SLC44A5: variants seen among roughly 807,000 people sequenced by gnomAD.
SLC44A5 encodes the protein choline transporter-like protein 5.
A neutral mutation model predicts 101.8 loss-of-function variants in SLC44A5; 57 were observed. The observed-to-expected ratio is 0.56, with a 90% CI of 0.45 to 0.70. SLC44A5 has a LOEUF of 0.70. Among genes scored for constraint, SLC44A5 ranks in the 30% least tolerant of loss-of-function variants. The pLI, the probability that SLC44A5 is intolerant of heterozygous loss-of-function variation, is 0.00. For missense variants in SLC44A5, 737 were observed against 853.1 expected (o/e 0.86, Z 1.70); for synonymous variants, 281 against 290.9 (o/e 0.97, Z 0.35).
chr1:75,243,095 AC>A, intron 7 of SLC44A5, 84 bp from the exon 8 acceptor site: 1 of 1,436,878 alleles, frequency 7.0e-7, no homozygotes, highest in Non-Finnish European at 9.2e-7. Context: ...TAAATTATCC[AC>A]CATAACAAAA....
At chr1:75,608,892 AT>A (rs796514572) in intron 1 of SLC44A5, among the ~76,000 whole-genome samples, 12 of 149,960 alleles carry the variant, frequency 8.0e-5, no homozygotes, top group African/African-American at 2.7e-4. Context: ...TACTATGCTC[AT>A]TTTTTTTTCT....
At chr1:75,290,646 C>A (rs1259861451) in intron 5 of SLC44A5, among the ~76,000 whole-genome samples, 1 of 152,076 alleles carries the variant, frequency 6.6e-6, no homozygotes, top group Non-Finnish European at 1.5e-5. Context: ...TCCAATCTCA[C>A]AAAATTGGAA....
At chr1:75,227,964 T>C (rs2100542977) in intron 12 of SLC44A5, 107 bp from the exon 13 acceptor site, 1 of 865,370 alleles carries the variant, frequency 1.2e-6, no homozygotes, top group East Asian at 3.2e-5. Flanking sequence ...CATGGTAATT[T>C]CTGCAAAGGC....
chr1:75,282,795 C>T (rs1204098336), intron 5 of SLC44A5, among the ~76,000 whole-genome samples: 1 of 152,108 alleles, frequency 6.6e-6, no homozygotes, highest in African/African-American at 2.4e-5. Context: ...TTTGCTTCCC[C>T]TTCCACCATG....
intron 13 of SLC44A5, among the ~76,000 whole-genome samples, chr1:75,226,670 C>T (rs1647202546): frequency 6.6e-6 from 1 of 151,806 alleles, no homozygotes; most frequent in Non-Finnish European, 1.5e-5. Flanking sequence ...GGCTTCTTAC[C>T]AGGCTTCCTT....
chr1:75,614,295 T>A (rs1476438154), upstream of SLC44A5, among the ~76,000 whole-genome samples: 1 of 152,280 alleles, frequency 6.6e-6, no homozygotes, highest in East Asian at 1.9e-4. Flanking sequence ...CGCTAATTTA[T>A]GGAGGGGGGG....
intron 2 of SLC44A5, among the ~76,000 whole-genome samples, chr1:75,472,064 G>A (rs1169577644): frequency 7.6e-6 from 1 of 131,952 alleles, no homozygotes; most frequent in African/African-American, 2.7e-5. Flanking sequence ...ACAATAGGCA[G>A]AGCATATCCC....
chr1:75,323,063 G>T (rs1199160357), intron 4 of SLC44A5, among the ~76,000 whole-genome samples: 1 of 149,742 alleles, frequency 6.7e-6, no homozygotes, highest in South Asian at 2.2e-4. Context: ...CTAGCATTAG[G>T]TATATCTCCC....
intron 7 of SLC44A5, among the ~76,000 whole-genome samples, chr1:75,246,304 C>G (rs991740008): frequency 6.6e-6 from 1 of 151,920 alleles, no homozygotes; most frequent in South Asian, 2.1e-4. Context: ...GCATAATATG[C>G]AAGTATATTT....
intron 1 of SLC44A5, among the ~76,000 whole-genome samples, chr1:75,556,048 T>C (rs1014676465): frequency 1.3e-4 from 20 of 151,756 alleles, no homozygotes; most frequent in African/African-American, 4.4e-4. Context: ...AGCATATGAG[T>C]GATGGTGTAG....
chr1:75,280,039 AT>A (rs1351009806), intron 5 of SLC44A5, among the ~76,000 whole-genome samples: 1 of 147,874 alleles, frequency 6.8e-6, no homozygotes, highest in East Asian at 2.0e-4. Context: ...ACTTTGAATG[AT>A]GGTCTCCAGT....
At chr1:75,368,214 T>C (rs574904699) in intron 3 of SLC44A5, among the ~76,000 whole-genome samples, 2 of 152,328 alleles carry the variant, frequency 1.3e-5, no homozygotes, top group South Asian at 2.1e-4. Context: ...CAAGATGATC[T>C]GATCAATCAG....
intron 7 of SLC44A5, among the ~76,000 whole-genome samples, chr1:75,245,835 C>T (rs1452840782): frequency 6.6e-6 from 1 of 152,104 alleles, no homozygotes; most frequent in Non-Finnish European, 1.5e-5. Context: ...TTGTTCACTT[C>T]AAATAGGGTG....
At chr1:75,419,220 A>C (rs1012002509) in intron 2 of SLC44A5, among the ~76,000 whole-genome samples, 2 of 152,126 alleles carry the variant, frequency 1.3e-5, no homozygotes. Flanking sequence ...ATTTTTTTTT[A>C]AATTGGAATA....
chr1:75,720,518 A>T, the SLC44A5 span: 1 of 152,264 alleles, frequency 6.6e-6, no homozygotes, highest in Non-Finnish European at 1.5e-5. Flanking sequence ...ATTGTTTGGC[A>T]TGATGCCAAA....
chr1:75,697,240 T>C, the SLC44A5 span, among the ~76,000 whole-genome samples: 1 of 152,200 alleles, frequency 6.6e-6, no homozygotes, highest in African/African-American at 2.4e-5. Context: ...ACACTCTGTC[T>C]TCACAAAAAT....
chr1:75,656,136 A>G, the SLC44A5 span, among the ~76,000 whole-genome samples: 16 of 152,304 alleles, frequency 1.1e-4, no homozygotes, highest in East Asian at 1.2e-3. Context: ...AAAACTTCCA[A>G]CTGAGTATAC....
the SLC44A5 span, among the ~76,000 whole-genome samples, chr1:75,678,044 G>C: frequency 6.6e-6 from 1 of 152,200 alleles, no homozygotes; most frequent in Non-Finnish European, 1.5e-5. Context: ...CAAATACTGC[G>C]CTTTTCCAAA....
At chr1:75,491,557 A>C (rs1668426542) in intron 2 of SLC44A5, among the ~76,000 whole-genome samples, 1 of 152,200 alleles carries the variant, frequency 6.6e-6, no homozygotes, top group Admixed American at 6.5e-5. Context: ...AAAATATTGG[A>C]TAAAAATAAA....
Sources: gnomAD v4.1 joint callset for allele counts (sites outside exome capture counted in the v4.1 genomes callset) on GRCh38, gnomAD v4.1.1 for gene constraint, MANE v1.5 for transcripts, NCBI Gene and HGNC (gene_info 2026-07-23, HGNC 2026-07-21) for gene names.